The following GDPD5 variants were observed in gnomAD, a reference collection of about 807,000 sequenced individuals.
The protein encoded by GDPD5 is glycerophosphodiester phosphodiesterase 2.
GDPD5 carries 48 observed loss-of-function variants against 75.1 expected under a neutral mutation model. The ratio of observed to expected loss-of-function variants is 0.64; its 90% confidence interval spans 0.51 to 0.81. The LOEUF is 0.81. GDPD5 is among the 40% of genes least tolerant of loss of function. The pLI is 0.00. For synonymous variants in GDPD5, 336 were observed against 339.0 expected (o/e 0.99, Z 0.10); for missense variants, 706 against 822.6 (o/e 0.86, Z 1.73).
chr11:75,493,716 G>C (rs777422654), intron 1 of GDPD5, among the ~76,000 whole-genome samples: 1 of 152,122 alleles, frequency 6.6e-6, no homozygotes, highest in Non-Finnish European at 1.5e-5. Flanking sequence ...ATATAAGAGG[G>C]AGACAAGTTA....
At chr11:75,519,434 C>G (rs1200273488) in intron 1 of GDPD5, among the ~76,000 whole-genome samples, 1 of 152,190 alleles carries the variant, frequency 6.6e-6, no homozygotes, top group Admixed American at 6.5e-5. Flanking sequence ...ATTCATTCCA[C>G]GGAGCAGCTG....
chr11:75,455,891 C>T (rs1026956527), intron 6 of GDPD5, among the ~76,000 whole-genome samples: 3 of 152,226 alleles, frequency 2.0e-5, no homozygotes, highest in African/African-American at 7.2e-5. Context: ...GGGCCCAGCC[C>T]TGAGGGGGGG....
chr11:75,456,644 G>T, intron 6 of GDPD5, 113 bp downstream of exon 6: 1 of 1,012,444 alleles, frequency 9.9e-7, no homozygotes, highest in Non-Finnish European at 1.5e-6. Flanking sequence ...TTAGCTATGA[G>T]AACAATTCTA....
At chr11:75,500,264 C>G (rs184281555) in intron 1 of GDPD5, among the ~76,000 whole-genome samples, 1 of 152,164 alleles carries the variant, frequency 6.6e-6, no homozygotes, top group African/African-American at 2.4e-5. Context: ...CCCCTGCACC[C>G]CTTCCCAGCT....
chr11:75,459,763 T>A (rs1949372160), intron 4 of GDPD5, among the ~76,000 whole-genome samples: 2 of 142,914 alleles, frequency 1.4e-5, no homozygotes, highest in Non-Finnish European at 3.0e-5. Context: ...TGAGCTGAGA[T>A]CATACCACTG....
Position 75,501,723 on chromosome 11 carries a change from C to T in GDPD5, c.-144-11403G>A, listed in dbSNP as rs1449412942. Among the ~76,000 whole-genome samples the T allele has an allele frequency of 5.9e-5, 9 of 152,266 alleles. No homozygotes were observed. The South Asian group carries it at 1.7e-3, about 28-fold the overall frequency. On this transcript the variant is annotated intron_variant, in intron 1 of 16. Transcript: ENST00000336898. ...GGAGAGGGTGAGAGAGCAGGAGCCG[C>T]TCTCCACAGACAGGGCTGGGGGCAG...
At chr11:75,462,994 G>A in intron 3 of GDPD5, 105 bp from the exon 4 acceptor site, 2 of 874,756 alleles carry the variant, frequency 2.3e-6, no homozygotes, top group Non-Finnish European at 3.7e-6. Context: ...AGCCAAACCT[G>A]CCAGGCAGGA....
At chr11:75,472,441 G>A (rs1949689375) in intron 3 of GDPD5, among the ~76,000 whole-genome samples, 1 of 152,038 alleles carries the variant, frequency 6.6e-6, no homozygotes. Flanking sequence ...GGGGCCAGCT[G>A]GGAAACTCAT....
At chr11:75,469,524 G>A (rs925863025) in intron 3 of GDPD5, among the ~76,000 whole-genome samples, 7 of 152,206 alleles carry the variant, frequency 4.6e-5, no homozygotes, top group African/African-American at 1.7e-4. Context: ...CAAGGAGCAG[G>A]AAATGTAAAT....
intron 2 of GDPD5, 52 bp from the exon 3 acceptor site, chr11:75,477,847 C>A: frequency 1.6e-6 from 1 of 628,344 alleles, no homozygotes; most frequent in East Asian, 2.8e-5. Context: ...AGGAGTCAGG[C>A]ACCACACAGC....
intron 3 of GDPD5, among the ~76,000 whole-genome samples, chr11:75,466,407 G>A (rs1210341822): frequency 6.6e-6 from 1 of 152,126 alleles, no homozygotes; most frequent in African/African-American, 2.4e-5. Context: ...GTGGCCTGGG[G>A]AGCAGCTCCA....
intron 2 of GDPD5, among the ~76,000 whole-genome samples, chr11:75,480,055 C>T (rs372949335): frequency 3.9e-5 from 6 of 152,238 alleles, no homozygotes; most frequent in African/African-American, 1.4e-4. Flanking sequence ...TTTGGGTACA[C>T]ATTTCTTTTG....
intron 3 of GDPD5, among the ~76,000 whole-genome samples, chr11:75,466,761 G>A (rs558045431): frequency 3.3e-5 from 5 of 152,176 alleles, no homozygotes; most frequent in Admixed American, 3.3e-4. Flanking sequence ...GCACATGGCG[G>A]GCGGGTGTGT....
chr11:75,448,576 T>C (rs2135210120), intron 9 of GDPD5: 2 of 996,572 alleles, frequency 2.0e-6, no homozygotes, highest in Non-Finnish European at 2.4e-6. Context: ...CCAACTCACG[T>C]CGGTTCAGCC....
At chr11:75,474,704 T>A (rs1949743927) in intron 3 of GDPD5, among the ~76,000 whole-genome samples, 1 of 152,088 alleles carries the variant, frequency 6.6e-6, no homozygotes, top group Admixed American at 6.5e-5. Context: ...GAAGGGGCCC[T>A]TCCCAGGCTC....
At chr11:75,518,244 C>T (rs761825048) in intron 1 of GDPD5, among the ~76,000 whole-genome samples, 2 of 152,212 alleles carry the variant, frequency 1.3e-5, no homozygotes, top group Admixed American at 6.5e-5. Flanking sequence ...CGAGAAGACA[C>T]GCAGGGAGCA....
At chr11:75,521,424 CG>C (rs1941452073) in intron 1 of GDPD5, among the ~76,000 whole-genome samples, 1 of 152,138 alleles carries the variant, frequency 6.6e-6, no homozygotes, top group African/African-American at 2.4e-5. Flanking sequence ...TGTGTGACCT[CG>C]GGCAAGATCA....
chr11:75,486,599 C>T (rs549804763), intron 2 of GDPD5, among the ~76,000 whole-genome samples: 1 of 152,150 alleles, frequency 6.6e-6, no homozygotes, highest in Non-Finnish European at 1.5e-5. Context: ...CCTTCCTCAC[C>T]ACTTCATCCA....
At position 75,525,423 on chromosome 11, in the gene GDPD5, A is replaced by T. The variant is rs1163606022; in HGVS notation, c.-358T>A. 1 of 152,188 alleles carries T rather than the reference A, an allele frequency of 6.6e-6. No homozygotes were observed. The highest frequency in any genetic ancestry group is 1.5e-5 in the Non-Finnish European group (1 of 68,110). The allele number at this position is 152,188 out of a possible 1,614,324, so 9.4% of individuals were successfully genotyped here. On this transcript the variant is annotated 5_prime_UTR_variant, in exon 1 of 17. Coordinates refer to ENST00000336898, the MANE Select transcript of GDPD5 (RefSeq NM_030792.8). The stretch of plus-strand genomic sequence containing the variant: ...GCTTCCCGGGCGCTCGCGCTGTTCC[A>T]AGCTGTTCCAACTGAAGGTTGGGGT...
Sources: allele counts gnomAD v4.1 joint callset (sites outside exome capture counted in the v4.1 genomes callset), GRCh38; gene constraint gnomAD v4.1.1; transcripts MANE v1.5; gene names NCBI Gene and HGNC (gene_info 2026-07-23, HGNC 2026-07-21).